Variants in PRR16 observed in about 807,000 individuals in gnomAD.
PRR16 encodes the protein proline rich 16, also known as protein Largen.
PRR16 carries 6 observed loss-of-function variants against 18.2 expected under a neutral mutation model. That is an observed-to-expected ratio of 0.33 (90% CI 0.18 to 0.65). The LOEUF is 0.65. PRR16 is among the 30% of genes least tolerant of loss of function. The pLI is 0.74. For synonymous variants in PRR16, 151 were observed against 147.8 expected (o/e 1.02, Z -0.16); for missense variants, 412 against 376.6 (o/e 1.09, Z -0.78).
chr5:120,653,657 A>G (rs1466062697), intron 1 of PRR16, among the ~76,000 whole-genome samples: 1 of 151,918 alleles, frequency 6.6e-6, no homozygotes, highest in Non-Finnish European at 1.5e-5. Flanking sequence ...TACTTCTGTA[A>G]ATAATTATAA....
At chr5:120,556,249 TTTTG>T (rs1219310478) in intron 1 of PRR16, among the ~76,000 whole-genome samples, 2 of 150,296 alleles carry the variant, frequency 1.3e-5, no homozygotes, top group Non-Finnish European at 1.5e-5. Flanking sequence ...TTTTTTTTTT[TTTTG>T]TACCATGCTA....
chr5:120,514,490 C>G (rs955170732), intron 1 of PRR16, among the ~76,000 whole-genome samples: 1 of 152,160 alleles, frequency 6.6e-6, no homozygotes, highest in Non-Finnish European at 1.5e-5. Flanking sequence ...TAAATTATTT[C>G]TGTTTTCTGC....
chr5:120,742,280 G>GT, the PRR16 span, among the ~76,000 whole-genome samples: 89,669 of 140,272 alleles, frequency 0.64, 28,621 homozygotes, highest in East Asian at 0.84. Context: ...TTACTTGTGG[G>GT]TTTTTTTTTT....
the PRR16 span, among the ~76,000 whole-genome samples, chr5:120,793,297 G>C: frequency 1.6e-4 from 25 of 151,900 alleles, no homozygotes; most frequent in Non-Finnish European, 2.8e-4. Context: ...ACAAATGTAG[G>C]CATGTTTAAC....
chr5:120,756,486 T>G, the PRR16 span, among the ~76,000 whole-genome samples: 4 of 152,222 alleles, frequency 2.6e-5, no homozygotes, highest in African/African-American at 9.6e-5. Flanking sequence ...TTAATAGCCA[T>G]TCTGACTGGT....
chr5:120,621,470 T>C (rs1372383223), intron 1 of PRR16, among the ~76,000 whole-genome samples: 1 of 152,164 alleles, frequency 6.6e-6, no homozygotes, highest in Admixed American at 6.6e-5. Flanking sequence ...TCCAGTACTC[T>C]ACTATACAAG....
At chr5:120,565,764 T>A (rs1752717517) in intron 1 of PRR16, among the ~76,000 whole-genome samples, 2 of 152,248 alleles carry the variant, frequency 1.3e-5, no homozygotes, top group Admixed American at 6.5e-5. Context: ...AGTAATTATC[T>A]TCTTCAAAAT....
intron 1 of PRR16, among the ~76,000 whole-genome samples, chr5:120,598,520 T>G (rs1753885816): frequency 2.0e-5 from 3 of 151,876 alleles, no homozygotes; most frequent in South Asian, 4.1e-4. Context: ...TGACTGAAAC[T>G]GTCAACTGGC....
At chr5:120,750,495 C>CT in the PRR16 span, among the ~76,000 whole-genome samples, 1 of 150,850 alleles carries the variant, frequency 6.6e-6, no homozygotes, top group South Asian at 2.1e-4. Flanking sequence ...CCTGTCTCTA[C>CT]TAAAAAAAAA....
At chr5:120,771,741 G>C in the PRR16 span, among the ~76,000 whole-genome samples, 1 of 151,934 alleles carries the variant, frequency 6.6e-6, no homozygotes, top group Admixed American at 6.6e-5. Context: ...TACCAACTCA[G>C]CACTGCTTAA....
At chr5:120,690,748 C>T (rs553532019), downstream of PRR16, among the ~76,000 whole-genome samples, 1 of 152,174 alleles carries the variant, frequency 6.6e-6, no homozygotes, top group South Asian at 2.1e-4. Context: ...TGCTGCAATT[C>T]GGGCACACAG....
At chr5:120,599,452 A>T (rs750452350) in intron 1 of PRR16, among the ~76,000 whole-genome samples, 14 of 152,030 alleles carry the variant, frequency 9.2e-5, no homozygotes, top group South Asian at 6.2e-4. Flanking sequence ...TTAAGGAGAC[A>T]GAAAACATTA....
intron 1 of PRR16, among the ~76,000 whole-genome samples, chr5:120,572,842 T>A (rs573868354): frequency 1.3e-5 from 2 of 152,236 alleles, no homozygotes; most frequent in African/African-American, 4.8e-5. Context: ...GTCAAATTGG[T>A]TATCCACTGC....
At chr5:120,467,701 A>T (rs1353821706) in intron 1 of PRR16, among the ~76,000 whole-genome samples, 2 of 152,148 alleles carry the variant, frequency 1.3e-5, no homozygotes, top group African/African-American at 4.8e-5. Context: ...AGTTATAATT[A>T]CTTAATCAGT....
rs546106949 is a variant in PRR16, at chr5:120,526,743, A to G, written c.159+62098A>G. Reference sequence around the variant, plus strand: ...GCAAAGTAAAAAGATGAAAGAATATACAGTAATTATTTGCTGTTTCCCAGC... The same window carrying G: ...GCAAAGTAAAAAGATGAAAGAATATGCAGTAATTATTTGCTGTTTCCCAGC... On this transcript the variant is annotated intron_variant, in intron 1 of 1. Transcript: ENST00000407149. Among the ~76,000 whole-genome samples the G allele has an allele frequency of 9.2e-5, 14 of 152,298 alleles. No individual in the cohort carries two copies. The South Asian group carries it at 2.9e-3, about 32-fold the overall frequency.
chr5:120,665,791 G>T (rs1482295618), intron 1 of PRR16, among the ~76,000 whole-genome samples: 4 of 152,026 alleles, frequency 2.6e-5, no homozygotes, highest in African/African-American at 9.7e-5. Flanking sequence ...TATTTCTGAG[G>T]TCTCTGTTCT....
chr5:120,784,395 A>G, the PRR16 span, among the ~76,000 whole-genome samples: 33 of 152,298 alleles, frequency 2.2e-4, no homozygotes, highest in Middle Eastern at 3.4e-3. Context: ...CATAAAAACC[A>G]TTTTTAACTG....
chr5:120,629,416 T>C (rs1754981344), intron 1 of PRR16, among the ~76,000 whole-genome samples: 1 of 152,122 alleles, frequency 6.6e-6, no homozygotes, highest in Non-Finnish European at 1.5e-5. Context: ...TATTTCTAAA[T>C]ATGTTTTTTG....
At chr5:120,664,827 G>T (rs185682473) in intron 1 of PRR16, among the ~76,000 whole-genome samples, 1 of 137,854 alleles carries the variant, frequency 7.3e-6, no homozygotes, top group Non-Finnish European at 1.6e-5. Flanking sequence ...TGGTGTATAT[G>T]TGCCACATTT....
Sources: gnomAD v4.1 joint callset for allele counts (sites outside exome capture counted in the v4.1 genomes callset) on GRCh38, gnomAD v4.1.1 for gene constraint, MANE v1.5 for transcripts, NCBI Gene and HGNC (gene_info 2026-07-23, HGNC 2026-07-21) for gene names.